CNNM2: variants seen among roughly 807,000 people sequenced by gnomAD.
CNNM2 encodes cyclin and CBS domain divalent metal cation transport mediator 2.
CNNM2 carries 12 observed loss-of-function variants against 66.9 expected under a neutral mutation model. That is an observed-to-expected ratio of 0.18 (90% CI 0.11 to 0.29). The LOEUF is 0.29. Ranked by LOEUF, CNNM2 falls within the 10% of genes least tolerant of loss-of-function variation. CNNM2 has a pLI of 1.00. For missense variants in CNNM2, 705 were observed against 1,167.7 expected (o/e 0.60, Z 5.77); for synonymous variants, 557 against 501.8 (o/e 1.11, Z -1.47).
chr10:103,004,549 A>G (rs2134260981), intron 1 of CNNM2, among the ~76,000 whole-genome samples: 1 of 152,334 alleles, frequency 6.6e-6, no homozygotes, highest in Non-Finnish European at 1.5e-5. Context: ...ATTCTGCTTC[A>G]GTAGTTCAAG....
At chr10:102,973,308 G>A (rs775569431) in intron 1 of CNNM2, among the ~76,000 whole-genome samples, 1 of 151,502 alleles carries the variant, frequency 6.6e-6, no homozygotes, top group Non-Finnish European at 1.5e-5. Context: ...CTAGGGTCTC[G>A]CTCTGTTGCC....
chr10:103,043,305 C>A lies in CNNM2; in HGVS notation c.1622-6402C>A, dbSNP rs12257935. Among the ~76,000 whole-genome samples the A allele has an allele frequency of 0.1, 15,872 of 152,166 alleles. 843 individuals carry two copies. Among genetic ancestry groups the A allele is most frequent in the Middle Eastern group, 0.18 (52 of 294 alleles). ...ACTTTTTATTAGCACAGCTATATCA[C>A]GTTGTTCCTAATTCCCTTCCACTAC... On this transcript the variant is annotated intron_variant, in intron 1 of 7. Coordinates refer to ENST00000369878, the MANE Select transcript of CNNM2 (RefSeq NM_017649.5).
intron 1 of CNNM2, among the ~76,000 whole-genome samples, chr10:102,945,666 C>G (rs1228995122): frequency 6.6e-6 from 1 of 152,032 alleles, no homozygotes; most frequent in Non-Finnish European, 1.5e-5. Flanking sequence ...ATTCTCCCTT[C>G]CCTTGTTGTT....
chr10:103,070,188 A>G, intron 5 of CNNM2, among the ~76,000 whole-genome samples: 1 of 152,206 alleles, frequency 6.6e-6, no homozygotes, highest in East Asian at 1.9e-4. Flanking sequence ...CTTAATGAGT[A>G]GGTTTCTGTT....
chr10:102,944,195 C>G (rs748648671), intron 1 of CNNM2, among the ~76,000 whole-genome samples: 3 of 150,178 alleles, frequency 2.0e-5, no homozygotes, highest in Non-Finnish European at 3.0e-5. Context: ...TCTCCTGTCT[C>G]AGCCCCCCGA....
At chr10:102,970,214 G>A (rs984242512) in intron 1 of CNNM2, among the ~76,000 whole-genome samples, 2 of 152,342 alleles carry the variant, frequency 1.3e-5, no homozygotes. Flanking sequence ...TACTTGGGAG[G>A]TTGAGGTGGG....
intron 1 of CNNM2, among the ~76,000 whole-genome samples, chr10:102,988,069 C>T (rs1226624124): frequency 6.6e-6 from 1 of 152,078 alleles, no homozygotes; most frequent in Non-Finnish European, 1.5e-5. Flanking sequence ...GAGGCCGAGG[C>T]GGGTGGATCA....
intron 1 of CNNM2, among the ~76,000 whole-genome samples, chr10:102,979,494 A>G (rs1267415170): frequency 6.6e-6 from 1 of 152,312 alleles, no homozygotes; most frequent in East Asian, 1.9e-4. Context: ...AAAATAGCCT[A>G]TTCTTTTCAT....
chr10:103,007,574 G>A (rs1049151074), intron 1 of CNNM2, among the ~76,000 whole-genome samples: 1 of 152,024 alleles, frequency 6.6e-6, no homozygotes, highest in Non-Finnish European at 1.5e-5. Context: ...TCCTTCCTAG[G>A]AAAATAATTC....
In CNNM2 at chr10:103,090,145, G is replaced by GA. The variant is rs1408460555; in HGVS notation, c.*12966dup. Reference sequence around the variant, plus strand: ...GCAGCTGGAAATTGGAAAAGATGGAGAGGGGAGTTTACTTTCTATTTTACA... The same window carrying GA: ...GCAGCTGGAAATTGGAAAAGATGGAGAAGGGGAGTTTACTTTCTATTTTACA... On this transcript the variant is annotated 3_prime_UTR_variant, in exon 8 of 8. Coordinates refer to ENST00000369878, the MANE Select transcript of CNNM2 (RefSeq NM_017649.5). The GA allele has an allele frequency of 2.3e-6, 1 of 438,554 alleles. No homozygotes were observed. Among genetic ancestry groups the GA allele is most frequent in the African/African-American group, 2.0e-5 (1 of 49,848 alleles). 27.2% of individuals were successfully genotyped at this position (438,554 alleles called of 1,614,324 possible). A position where few individuals can be genotyped will look rare whatever the true frequency, so the allele number is the denominator to read the frequency against.
chr10:102,944,230 C>T lies in CNNM2; in HGVS notation c.1621+24129C>T, dbSNP rs182020934. ...AGTAGCTAGGATTACAGGCACCCAC[C>T]ACCACGCCCAGCTAGTTTTTGTATT... is the stretch of plus-strand genomic sequence containing the variant. On this transcript the variant is annotated intron_variant, in intron 1 of 7. Coordinates refer to ENST00000369878, the MANE Select transcript of CNNM2 (RefSeq NM_017649.5). Among the ~76,000 whole-genome samples, 111 of 152,086 alleles carry T rather than the reference C, an allele frequency of 7.3e-4. 1 individual carries two copies. Among genetic ancestry groups the T allele is most frequent in the African/African-American group, 2.6e-3 (108 of 41,486 alleles).
intron 1 of CNNM2, among the ~76,000 whole-genome samples, chr10:102,954,133 T>TTC (rs1846946023): frequency 2.7e-5 from 4 of 149,744 alleles, no homozygotes; most frequent in South Asian, 4.2e-4. Flanking sequence ...TTTCTTTTTT[T>TTC]TTTTTTTTTT....
At chr10:102,983,223 C>G (rs1482197108) in intron 1 of CNNM2, among the ~76,000 whole-genome samples, 3 of 150,662 alleles carry the variant, frequency 2.0e-5, no homozygotes, top group African/African-American at 7.3e-5. Context: ...TTGTGTTTTG[C>G]TTTTTTGATA....
chr10:103,064,910 G>A (rs191672139), intron 4 of CNNM2, among the ~76,000 whole-genome samples: 4 of 152,208 alleles, frequency 2.6e-5, no homozygotes, highest in South Asian at 2.1e-4. Context: ...TGGCAACCCC[G>A]TATCTTTCCC....
At chr10:103,065,514 G>C (rs1016684465) in intron 4 of CNNM2, among the ~76,000 whole-genome samples, 2 of 152,174 alleles carry the variant, frequency 1.3e-5, no homozygotes, top group Non-Finnish European at 2.9e-5. Context: ...TTACAGTCTT[G>C]TTTTGGTTGT....
chr10:103,053,447 T>A (rs1383251939), intron 2 of CNNM2, among the ~76,000 whole-genome samples: 4 of 152,182 alleles, frequency 2.6e-5, no homozygotes, highest in Non-Finnish European at 5.9e-5. Flanking sequence ...AGCCTTGGAG[T>A]TGAGGCTGCA....
intron 4 of CNNM2, among the ~76,000 whole-genome samples, chr10:103,064,145 C>A (rs1041869106): frequency 1.3e-5 from 2 of 152,170 alleles, no homozygotes; most frequent in Non-Finnish European, 2.9e-5. Context: ...ACCCTTTAAT[C>A]TGTTGCAACT....
At chr10:102,969,707 C>T (rs779297723) in intron 1 of CNNM2, among the ~76,000 whole-genome samples, 2 of 151,824 alleles carry the variant, frequency 1.3e-5, no homozygotes, top group Non-Finnish European at 2.9e-5. Context: ...TGCAGTGTTG[C>T]GATCTCAGCT....
At position 102,918,409 on chromosome 10, in the gene CNNM2, C is replaced by T. The variant is rs759044881; in HGVS notation, c.-72C>T. The T allele has an allele frequency of 1.3e-6, 2 of 1,549,094 alleles. No individual in the cohort carries two copies. The highest frequency in any genetic ancestry group is 1.9e-5 in the Admixed American group (1 of 51,474). ...GGCCGCGGACGCTCCGTTGCAGTCT[C>T]GCCCAGGGGCCGGTACCTGCGCTCG... On this transcript the variant is annotated 5_prime_UTR_variant, in exon 1 of 8. Transcript: ENST00000369878. The surrounding 1 kb of genome is among the most constrained non-coding windows in gnomAD (Gnocchi z 4.1).
Sources: allele counts gnomAD v4.1 joint callset (sites outside exome capture counted in the v4.1 genomes callset), GRCh38; gene constraint gnomAD v4.1.1; non-coding constraint Gnocchi (gnomAD v3.1); transcripts MANE v1.5; gene names NCBI Gene and HGNC (gene_info 2026-07-23, HGNC 2026-07-21).